AFAP1L2: variants seen among roughly 807,000 people sequenced by gnomAD.
AFAP1L2 encodes actin filament associated protein 1 like 2.
A neutral mutation model predicts 99.3 loss-of-function variants in AFAP1L2; 46 were observed. That is an observed-to-expected ratio of 0.46 (90% CI 0.37 to 0.59). The LOEUF is 0.59. Among genes scored for constraint, AFAP1L2 ranks in the 20% least tolerant of loss-of-function variants. The pLI, the probability that AFAP1L2 is intolerant of heterozygous loss-of-function variation, is 0.00. For synonymous variants in AFAP1L2, 397 were observed against 419.1 expected, an observed-to-expected ratio of 0.95 and a Z score of 0.64; for missense variants, 959 against 1,034.9, an observed-to-expected ratio of 0.93 and a Z score of 1.01.
chr10:114,292,003 G>A (rs472079), downstream of AFAP1L2, among the ~76,000 whole-genome samples: 12,973 of 152,240 alleles, frequency 0.085, 1,394 homozygotes, highest in African/African-American at 0.25. Context: ...TGCGGCCAGA[G>A]ACTGTGGCTC....
rs1447743085 is a variant in AFAP1L2 at position 114,295,014 on chromosome 10, G to A, written c.*1028C>T. On this transcript the variant is annotated 3_prime_UTR_variant, in exon 19 of 19. Coordinates refer to ENST00000304129, the MANE Select transcript of AFAP1L2 (RefSeq NM_001001936.3). ...TAATAGATGAAATGTTTCAACCTGT[G>A]TTAAAAAAAAAAAAAAAAAAATGCC... 2.1e-6 allele frequency: 1 copy of A among 465,994 alleles called. No individual in the cohort carries two copies. The highest frequency in any genetic ancestry group is 2.5e-6 in the Non-Finnish European group (1 of 400,752). The allele number at this position is 465,994 out of a possible 1,614,324, so 28.9% of individuals were successfully genotyped here. A position where few individuals can be genotyped will look rare whatever the true frequency, so the allele number is the denominator to read the frequency against.
intron 1 of AFAP1L2, among the ~76,000 whole-genome samples, chr10:114,368,638 C>T (rs1454002223): frequency 6.6e-6 from 1 of 152,038 alleles, no homozygotes; most frequent in Non-Finnish European, 1.5e-5. Context: ...TGGTCTTAAA[C>T]TTCTGAACTC....
At chr10:114,401,305 C>G (rs2058209754) in intron 1 of AFAP1L2, among the ~76,000 whole-genome samples, 1 of 152,192 alleles carries the variant, frequency 6.6e-6, no homozygotes, top group Admixed American at 6.5e-5. Context: ...GTAGGTCAGT[C>G]ACATTTGGCC....
At chr10:114,320,809 C>G (rs983435721) in intron 5 of AFAP1L2, among the ~76,000 whole-genome samples, 1 of 152,238 alleles carries the variant, frequency 6.6e-6, no homozygotes, top group Non-Finnish European at 1.5e-5. Flanking sequence ...CCCGGCCACA[C>G]CTGGGAGCAG....
intron 1 of AFAP1L2, among the ~76,000 whole-genome samples, chr10:114,382,272 A>G (rs2055737233): frequency 3.3e-4 from 2 of 6,056 alleles, no homozygotes; most frequent in South Asian, 0.1. Context: ...GTAAATGCCC[A>G]GTGATTTACA....
chr10:114,321,474 A>T (rs2045304856), intron 5 of AFAP1L2, among the ~76,000 whole-genome samples: 1 of 152,126 alleles, frequency 6.6e-6, no homozygotes. Context: ...TGTGGTGTGT[A>T]TGTACCACAT....
chr10:114,393,236 A>G (rs1384009015), intron 1 of AFAP1L2, among the ~76,000 whole-genome samples: 1 of 152,110 alleles, frequency 6.6e-6, no homozygotes, highest in African/African-American at 2.4e-5. Context: ...AAAGCCACCA[A>G]CACTCTCCTG....
chr10:114,311,481 A>C (rs2043225533), intron 7 of AFAP1L2, among the ~76,000 whole-genome samples: 1 of 152,242 alleles, frequency 6.6e-6, no homozygotes, highest in Non-Finnish European at 1.5e-5. Flanking sequence ...TATGCAACCC[A>C]GTGTCATAGG....
chr10:114,348,085 T>G (rs894164443), intron 1 of AFAP1L2, among the ~76,000 whole-genome samples: 2 of 152,202 alleles, frequency 1.3e-5, no homozygotes, highest in African/African-American at 4.8e-5. Context: ...CCCTTAGCAT[T>G]ATGTTTTCAA....
intron 1 of AFAP1L2, among the ~76,000 whole-genome samples, chr10:114,394,897 G>A (rs1182852555): frequency 6.6e-6 from 1 of 152,040 alleles, no homozygotes; most frequent in African/African-American, 2.4e-5. Flanking sequence ...GATTTCCAGG[G>A]GCTCCAGACA....
At chr10:114,303,816 G>C (rs2041655541) in intron 11 of AFAP1L2, among the ~76,000 whole-genome samples, 1 of 152,126 alleles carries the variant, frequency 6.6e-6, no homozygotes, top group Non-Finnish European at 1.5e-5. Context: ...GGGCTCCGTT[G>C]CTCCTAGGAT....
chr10:114,327,541 T>C (rs539244686), intron 4 of AFAP1L2, among the ~76,000 whole-genome samples: 5 of 152,208 alleles, frequency 3.3e-5, no homozygotes, highest in African/African-American at 1.2e-4. Flanking sequence ...CTTGGCAGGA[T>C]TGACCAGACC....
intron 10 of AFAP1L2, 148 bp downstream of exon 10, chr10:114,307,657 A>AT: frequency 1.5e-6 from 1 of 655,518 alleles, no homozygotes; most frequent in Non-Finnish European, 2.7e-6. Flanking sequence ...GTAACAACAG[A>AT]CGGGAACCTG....
intron 2 of AFAP1L2, among the ~76,000 whole-genome samples, chr10:114,334,220 T>C (rs2047612792): frequency 6.6e-6 from 1 of 152,162 alleles, no homozygotes; most frequent in Non-Finnish European, 1.5e-5. Context: ...AAGTCACCTT[T>C]CCCATGCCTG....
At chr10:114,298,868 T>C (rs1360680804) in intron 16 of AFAP1L2, among the ~76,000 whole-genome samples, 1 of 152,150 alleles carries the variant, frequency 6.6e-6, no homozygotes, top group African/African-American at 2.4e-5. Flanking sequence ...AGTTAATGCA[T>C]GAAGGATGAC....
intron 11 of AFAP1L2, among the ~76,000 whole-genome samples, chr10:114,304,015 C>G (rs2041689097): frequency 6.6e-6 from 1 of 152,212 alleles, no homozygotes; most frequent in South Asian, 2.1e-4. Context: ...CCACCATATT[C>G]CTGTGCTGAG....
intron 8 of AFAP1L2, 140 bp from the exon 9 acceptor site, chr10:114,308,657 G>A (rs926889667): frequency 1.5e-4 from 104 of 704,452 alleles, no homozygotes; most frequent in Non-Finnish European, 1.8e-4. Context: ...CCACCTAAAC[G>A]GCAGAATCCA....
intron 1 of AFAP1L2, among the ~76,000 whole-genome samples, chr10:114,342,833 G>C (rs2049004453): frequency 6.6e-6 from 1 of 152,218 alleles, no homozygotes; most frequent in African/African-American, 2.4e-5. Flanking sequence ...AAGAAACTGA[G>C]ACATCCTCTC....
At chr10:114,366,694 G>A (rs533283318) in intron 1 of AFAP1L2, among the ~76,000 whole-genome samples, 9 of 152,276 alleles carry the variant, frequency 5.9e-5, no homozygotes, top group Admixed American at 3.9e-4. Flanking sequence ...TTGGCCGGGC[G>A]CGGTGGCTCA....
Sources: gnomAD v4.1 joint callset for allele counts (sites outside exome capture counted in the v4.1 genomes callset) on GRCh38, gnomAD v4.1.1 for gene constraint, MANE v1.5 for transcripts, NCBI Gene and HGNC (gene_info 2026-07-23, HGNC 2026-07-21) for gene names.